PRRX2: variants seen among roughly 807,000 people sequenced by gnomAD.
PRRX2 encodes the protein paired mesoderm homeobox protein 2.
In PRRX2, 11 loss-of-function variants were observed where a neutral mutation model predicts 18.0. That is an observed-to-expected ratio of 0.61 (90% CI 0.39 to 1.01). PRRX2 has a LOEUF of 1.01. Among genes scored for constraint, PRRX2 ranks in the 50% least tolerant of loss-of-function variants. PRRX2 has a pLI of 0.01. For synonymous variants in PRRX2, 177 were observed against 154.8 expected, an observed-to-expected ratio of 1.14 and a Z score of -1.06; for missense variants, 387 against 351.0, an observed-to-expected ratio of 1.10 and a Z score of -0.82.
At chr9:129,684,816 C>A (rs1240233605) in intron 1 of PRRX2, among the ~76,000 whole-genome samples, 1 of 152,196 alleles carries the variant, frequency 6.6e-6, no homozygotes, top group Admixed American at 6.5e-5. Flanking sequence ...TATTGTCTCA[C>A]CTAATCACGG....
At chr9:129,668,831 C>T (rs1192261282) in intron 1 of PRRX2, among the ~76,000 whole-genome samples, 1 of 147,894 alleles carries the variant, frequency 6.8e-6, no homozygotes, top group Non-Finnish European at 1.5e-5. Context: ...GAGATGGCAC[C>T]AAAGAGGGAG....
intron 1 of PRRX2, among the ~76,000 whole-genome samples, chr9:129,698,038 T>C (rs988069108): frequency 6.6e-6 from 1 of 151,830 alleles, no homozygotes; most frequent in Non-Finnish European, 1.5e-5. Context: ...TTGAGGCCGG[T>C]CCCAGCTCCG....
At position 129,684,427 on chromosome 9, in the gene PRRX2, A is replaced by AACAC. The variant is rs72324782; in HGVS notation, c.259+18330_259+18333dup. On this transcript the variant is annotated intron_variant, in intron 1 of 3. Coordinates refer to ENST00000372469, the MANE Select transcript of PRRX2 (RefSeq NM_016307.4). ...CACAGAGAGAGACACACACAGATAC[A>AACAC]ACACACACACACACACACACACACA... is the stretch of plus-strand genomic sequence containing the variant. Among the ~76,000 whole-genome samples the AACAC allele has an allele frequency of 5.3e-3, 438 of 83,002 alleles. 3 individuals are homozygous for AACAC. The highest frequency in any genetic ancestry group is 0.019 in the African/African-American group (420 of 21,680). The allele number at this position is 83,002 out of a possible 152,430, so 54.5% of individuals were successfully genotyped here.
At chr9:129,692,822 A>G (rs1832377341) in intron 1 of PRRX2, among the ~76,000 whole-genome samples, 1 of 152,158 alleles carries the variant, frequency 6.6e-6, no homozygotes, top group Non-Finnish European at 1.5e-5. Context: ...AGTTGCTTCT[A>G]AGTTTTGGCA....
At chr9:129,718,992 T>C (rs980199740) in intron 1 of PRRX2, among the ~76,000 whole-genome samples, 3 of 152,152 alleles carry the variant, frequency 2.0e-5, no homozygotes, top group African/African-American at 7.2e-5. Context: ...GCTGCTTTTG[T>C]TCTCCGTTAT....
chr9:129,717,494 G>A (rs553740220), intron 1 of PRRX2, among the ~76,000 whole-genome samples: 14 of 152,032 alleles, frequency 9.2e-5, no homozygotes, highest in African/African-American at 2.9e-4. Flanking sequence ...CCAAGAGTTC[G>A]AGACCAGCCT....
chr9:129,720,507 G>C lies in PRRX2; in HGVS notation c.448-89G>C, dbSNP rs574441963. 31 of 1,302,692 alleles carry C rather than the reference G, an allele frequency of 2.4e-5. No homozygotes were observed. In the South Asian group the frequency reaches 4.0e-4, roughly 17 times the overall value. The allele number at this position is 1,302,692 out of a possible 1,614,324, so 80.7% of individuals were successfully genotyped here. A position where few individuals can be genotyped will look rare whatever the true frequency, so the allele number is the denominator to read the frequency against. Reference sequence around the variant, plus strand: ...AGAGAGGTGACGCTGCCAGCCCTGGGCTGGTGACAGAGCAGGCACACACCC... The same window carrying C: ...AGAGAGGTGACGCTGCCAGCCCTGGCCTGGTGACAGAGCAGGCACACACCC... On this transcript the variant is annotated intron_variant, in intron 2 of 3. Transcript: ENST00000372469.
In PRRX2 at chr9:129,671,110, A is replaced by G. The variant is rs1411878642; in HGVS notation, c.259+4984A>G. ...GATTTGACTCAGGCTTAGGAACCCC[A>G]TGATGGGCGTGTCTCCCTGGGATGT... On this transcript the variant is annotated intron_variant, in intron 1 of 3. Transcript: ENST00000372469. The surrounding 1 kb of genome is among the most constrained non-coding windows in gnomAD (Gnocchi z 4.0). Among the ~76,000 whole-genome samples, 1 of 152,224 alleles carries G rather than the reference A, an allele frequency of 6.6e-6. No individual in the cohort carries two copies. The highest frequency in any genetic ancestry group is 1.5e-5 in the Non-Finnish European group (1 of 68,038).
intron 1 of PRRX2, among the ~76,000 whole-genome samples, chr9:129,704,209 G>A (rs1287526185): frequency 6.6e-6 from 1 of 152,218 alleles, no homozygotes; most frequent in Non-Finnish European, 1.5e-5. Context: ...GAACCACCAG[G>A]CCAGGCCTAG....
At chr9:129,689,720 G>A (rs868053144) in intron 1 of PRRX2, among the ~76,000 whole-genome samples, 1 of 151,734 alleles carries the variant, frequency 6.6e-6, no homozygotes, top group South Asian at 2.1e-4. Flanking sequence ...CCGACTCTCC[G>A]GGGTGGGGGC....
At chr9:129,669,165 T>TTTTTA (rs1832067998) in intron 1 of PRRX2, among the ~76,000 whole-genome samples, 1 of 151,924 alleles carries the variant, frequency 6.6e-6, no homozygotes, top group African/African-American at 2.4e-5. Flanking sequence ...AAACTTTTTT[T>TTTTTA]AATTTAAAAA....
In PRRX2 at chr9:129,675,299, A is replaced by G. The variant is rs1832150119; in HGVS notation, c.259+9173A>G. The stretch of plus-strand genomic sequence containing the variant: ...ACCAGCATCCATTGAGCACCTACTG[A>G]GTACCAGCCCAAGGCAGCCCAGGGG... On this transcript the variant is annotated intron_variant, in intron 1 of 3. Transcript: ENST00000372469. The surrounding 1 kb of genome is among the most constrained non-coding windows in gnomAD (Gnocchi z 4.4). Among the ~76,000 whole-genome samples the G allele has an allele frequency of 6.6e-6, 1 of 152,136 alleles. No homozygotes were observed. Among genetic ancestry groups the G allele is most frequent in the Admixed American group, 6.5e-5 (1 of 15,276 alleles).
At position 129,720,253 on chromosome 9, in the gene PRRX2, C is replaced by T. The variant is rs998502781; in HGVS notation, c.448-343C>T. ...CGAGTGCTCAGCAAGAGCCTCTCCC[C>T]CCGAGTGCTCAGCAAGCGCCTCTCC... On this transcript the variant is annotated intron_variant, in intron 2 of 3. Coordinates refer to ENST00000372469, the MANE Select transcript of PRRX2 (RefSeq NM_016307.4). Among the ~76,000 whole-genome samples the T allele has an allele frequency of 3.4e-5, 5 of 148,832 alleles. No homozygotes were observed. The South Asian group carries it at 8.5e-4, about 25-fold the overall frequency.
chr9:129,669,488 A>T (rs1469358862), intron 1 of PRRX2, among the ~76,000 whole-genome samples: 1 of 152,244 alleles, frequency 6.6e-6, no homozygotes, highest in African/African-American at 2.4e-5. Flanking sequence ...CTGGGAAAAT[A>T]AACAAAGCCC....
intron 1 of PRRX2, among the ~76,000 whole-genome samples, chr9:129,670,216 A>G (rs754073587): frequency 1.3e-4 from 19 of 151,406 alleles, no homozygotes; most frequent in Non-Finnish European, 2.4e-4. Context: ...GATGGACCAC[A>G]TTGTATCCGT....
At chr9:129,693,547 T>A (rs1832385252) in intron 1 of PRRX2, among the ~76,000 whole-genome samples, 1 of 148,992 alleles carries the variant, frequency 6.7e-6, no homozygotes, top group African/African-American at 2.5e-5. Context: ...TGAGCTGAGA[T>A]CACGCTATTG....
At chr9:129,682,641 A>G (rs1415834483) in intron 1 of PRRX2, among the ~76,000 whole-genome samples, 1 of 152,138 alleles carries the variant, frequency 6.6e-6, no homozygotes, top group Non-Finnish European at 1.5e-5. Flanking sequence ...CCCTCTCAGC[A>G]ATGGCTTCGC....
At chr9:129,708,719 T>C (rs796173181) in intron 1 of PRRX2, among the ~76,000 whole-genome samples, 36 of 152,362 alleles carry the variant, frequency 2.4e-4, no homozygotes, top group African/African-American at 8.2e-4. Flanking sequence ...TGATGTCACA[T>C]CTAACAGCCA....
chr9:129,718,671 A>G (rs1335807534), intron 1 of PRRX2: 1 of 152,332 alleles, frequency 6.6e-6, no homozygotes, highest in Non-Finnish European at 1.5e-5. Context: ...CTCCTTAGGA[A>G]TGATGAGGAT....
Sources: allele counts gnomAD v4.1 joint callset (sites outside exome capture counted in the v4.1 genomes callset), GRCh38; gene constraint gnomAD v4.1.1; non-coding constraint Gnocchi (gnomAD v3.1); transcripts MANE v1.5; gene names NCBI Gene and HGNC (gene_info 2026-07-23, HGNC 2026-07-21).